DDX6: variants seen among roughly 807,000 people sequenced by gnomAD.
DDX6 encodes the protein probable ATP-dependent RNA helicase DDX6.
In DDX6, 7 loss-of-function variants were observed where a neutral mutation model predicts 60.6. That is an observed-to-expected ratio of 0.12 (90% CI 0.07 to 0.22). The LOEUF is 0.22. DDX6 is among the 10% of genes least tolerant of loss of function. The pLI, the probability that DDX6 is intolerant of heterozygous loss-of-function variation, is 1.00. For missense variants in DDX6, 270 were observed against 589.9 expected (o/e 0.46, Z 5.62); for synonymous variants, 207 against 201.0 (o/e 1.03, Z -0.25).
intron 3 of DDX6, 67 bp downstream of exon 3, chr11:118,781,054 G>T: frequency 9.1e-7 from 1 of 1,097,000 alleles, no homozygotes; most frequent in Non-Finnish European, 1.4e-6. Flanking sequence ...TCCAGATACC[G>T]AGGGACAGCT....
At chr11:118,765,116 C>T in intron 6 of DDX6, 93 bp downstream of exon 6, 3 of 1,479,798 alleles carry the variant, frequency 2.0e-6, no homozygotes, top group Non-Finnish European at 2.8e-6. Context: ...ATTTCTGTTC[C>T]TTAATTCTTA....
At chr11:118,778,419 T>C (rs1019294386) in intron 4 of DDX6, among the ~76,000 whole-genome samples, 1 of 152,178 alleles carries the variant, frequency 6.6e-6, no homozygotes, top group Admixed American at 6.5e-5. Context: ...CCCCCATTGA[T>C]GATAATAAAA....
At chr11:118,761,875 A>C (rs536841468) in intron 7 of DDX6, among the ~76,000 whole-genome samples, 49 of 151,784 alleles carry the variant, frequency 3.2e-4, no homozygotes, top group East Asian at 7.7e-4. Context: ...AAAAAAAAAA[A>C]AAACAAACCA....
intron 1 of DDX6, chr11:118,787,843 T>C (rs1184106252): frequency 1.3e-5 from 2 of 152,060 alleles, no homozygotes; most frequent in African/African-American, 2.4e-5. Flanking sequence ...ACTCTAATAA[T>C]TTTATTCATT....
At chr11:118,754,365 C>T (rs1239527546) in intron 13 of DDX6, among the ~76,000 whole-genome samples, 1 of 152,062 alleles carries the variant, frequency 6.6e-6, no homozygotes. Flanking sequence ...TATGATTGCA[C>T]CACTGCACTC....
At chr11:118,771,588 A>G (rs1555162584) in intron 4 of DDX6, among the ~76,000 whole-genome samples, 2 of 152,258 alleles carry the variant, frequency 1.3e-5, no homozygotes, top group African/African-American at 2.4e-5. Context: ...GTGAAATACA[A>G]GAGGAAATTA....
chr11:118,756,385 A>G, intron 10 of DDX6, 62 bp from the exon 11 acceptor site: 1 of 1,318,606 alleles, frequency 7.6e-7, no homozygotes, highest in East Asian at 2.3e-5. Flanking sequence ...ATTTCCCATA[A>G]TTATTTCTCC....
At chr11:118,779,920 A>C (rs1285612221) in intron 3 of DDX6, among the ~76,000 whole-genome samples, 184 bp from the exon 4 acceptor site, 1 of 152,104 alleles carries the variant, frequency 6.6e-6, no homozygotes, top group Non-Finnish European at 1.5e-5. Context: ...GTTCAAGACC[A>C]GCCTAGCCAA....
intron 4 of DDX6, among the ~76,000 whole-genome samples, chr11:118,770,895 A>AG (rs1451927884): frequency 5.3e-5 from 8 of 151,898 alleles, no homozygotes; most frequent in South Asian, 2.1e-4. Context: ...AAAAAAAAAA[A>AG]AAAGAGAGAG....
At chr11:118,766,698 A>G (rs147481592) in intron 5 of DDX6, among the ~76,000 whole-genome samples, 29 of 151,994 alleles carry the variant, frequency 1.9e-4, no homozygotes, top group African/African-American at 6.3e-4. Context: ...GGTTCAAGCA[A>G]TTCTCCTGCC....
intron 2 of DDX6, 187 bp downstream of exon 2, chr11:118,785,862 TTGC>T: frequency 2.0e-6 from 1 of 500,416 alleles, no homozygotes; most frequent in Non-Finnish European, 3.4e-6. Context: ...GGATGACTAC[TTGC>T]TGAACAAATT....
intron 8 of DDX6, 109 bp from the exon 9 acceptor site, chr11:118,759,011 AG>A: frequency 7.1e-7 from 1 of 1,417,378 alleles, no homozygotes; most frequent in Non-Finnish European, 9.6e-7. Context: ...TCTTGCTGTA[AG>A]GGACGCAACT....
intron 12 of DDX6, among the ~76,000 whole-genome samples, chr11:118,755,147 A>G (rs1231916171): frequency 5.3e-5 from 8 of 152,196 alleles, no homozygotes; most frequent in African/African-American, 1.9e-4. Context: ...ACATTAAACA[A>G]CAGTCACAGA....
In DDX6 at chr11:118,757,257, T is replaced by C; in HGVS notation, c.1024A>G (p.Asn342Asp). The C allele has an allele frequency of 6.3e-7, 1 of 1,579,906 alleles. No individual in the cohort carries two copies. The highest frequency in any genetic ancestry group is 1.2e-5 in the South Asian group (1 of 83,238). Residue 342 changes from asparagine to aspartate, a missense_variant, in exon 10 of 14, where the codon AAC becomes GAC. Around this residue, in one of 8 missense-constraint regions of DDX6, gnomAD observed 69 missense variants for 208.2 expected, o/e 0.33. Coordinates refer to ENST00000534980, the MANE Select transcript of DDX6 (RefSeq NM_004397.6). ...AGCAATTCAACTCGCTGAGAGGAGT[T>C]ACAGAAAATGATCGACTGGTTTATC... is the stretch of plus-strand genomic sequence containing the variant. ...LQINQSIIFCNSSQRVELLAK... is the reference protein window; with the variant it reads ...LQINQSIIFCDSSQRVELLAK...
At chr11:118,782,837 G>A (rs567952501) in intron 2 of DDX6, among the ~76,000 whole-genome samples, 148 of 152,156 alleles carry the variant, frequency 9.7e-4, no homozygotes, top group African/African-American at 3.4e-3. Context: ...TAGAGACGGG[G>A]ATTCAGCTGG....
Position 118,786,326 on chromosome 11 carries a change from T to TC in DDX6, c.-76_-75insG. 2 of 1,286,994 alleles carry TC rather than the reference T, an allele frequency of 1.6e-6. No homozygotes were observed. Among genetic ancestry groups the TC allele is most frequent in the Non-Finnish European group, 2.2e-6 (2 of 928,586 alleles). The allele number at this position is 1,286,994 out of a possible 1,614,324, so 79.7% of individuals were successfully genotyped here. Reference sequence around the variant, plus strand: ...GTAGAGAAACTGTAATAACAGTTTATTAGGCTCTCCAAAATGAAGAGATAA... The same window carrying TC: ...GTAGAGAAACTGTAATAACAGTTTATCTAGGCTCTCCAAAATGAAGAGATAA... On this transcript the variant is annotated 5_prime_UTR_variant, in exon 2 of 14. Coordinates refer to ENST00000534980, the MANE Select transcript of DDX6 (RefSeq NM_004397.6).
At chr11:118,776,347 C>T (rs1471245593) in intron 4 of DDX6, among the ~76,000 whole-genome samples, 2 of 152,112 alleles carry the variant, frequency 1.3e-5, no homozygotes, top group Non-Finnish European at 2.9e-5. Flanking sequence ...GAGTCTAAGA[C>T]TTATAGATCC....
At chr11:118,778,020 TA>T (rs11311035) in intron 4 of DDX6, among the ~76,000 whole-genome samples, 10,314 of 137,652 alleles carry the variant, frequency 0.075, 979 homozygotes, top group African/African-American at 0.24. Context: ...AGAATAATAA[TA>T]AAAAAAAAAT....
At chr11:118,771,359 C>T (rs1332908809) in intron 4 of DDX6, among the ~76,000 whole-genome samples, 1 of 152,108 alleles carries the variant, frequency 6.6e-6, no homozygotes, top group East Asian at 1.9e-4. Flanking sequence ...ATTCCTTTGC[C>T]CTCTTTGACA....
Sources: allele counts gnomAD v4.1 joint callset (sites outside exome capture counted in the v4.1 genomes callset), GRCh38; gene constraint gnomAD v4.1.1; regional missense constraint gnomAD v4.1.1; transcripts MANE v1.5; gene names NCBI Gene and HGNC (gene_info 2026-07-23, HGNC 2026-07-21).